RGSL1: variants seen among roughly 807,000 people sequenced by gnomAD.
RGSL1 encodes the protein regulator of G protein signaling protein-like.
In RGSL1, 97 loss-of-function variants were observed where a neutral mutation model predicts 124.7. That is an observed-to-expected ratio of 0.78 (90% confidence interval 0.66 to 0.92). The LOEUF (loss-of-function observed/expected upper bound fraction) is 0.92, where lower values mean the gene tolerates loss of function less well. Among genes scored for constraint, RGSL1 ranks in the 40% least tolerant of loss-of-function variants. The pLI is 0.00. For missense variants in RGSL1, 1,233 were observed against 1,288.4 expected (o/e 0.96, Z 0.66); for synonymous variants, 424 against 438.1 (o/e 0.97, Z 0.40).
chr1:182,531,056 C>A, intron 13 of RGSL1, 146 bp downstream of exon 13: 1 of 954,244 alleles, frequency 1.0e-6, no homozygotes, highest in Non-Finnish European at 1.5e-6. Context: ...TCCCTCTCTT[C>A]TCTACCTGTG....
intron 9 of RGSL1, among the ~76,000 whole-genome samples, chr1:182,508,692 T>TAA (rs1263980576): frequency 5.7e-5 from 8 of 141,102 alleles, no homozygotes; most frequent in Admixed American, 1.4e-4. Flanking sequence ...TTTTTTTTTT[T>TAA]AATTTATTTT....
intron 4 of RGSL1, chr1:182,471,318 T>G (rs1053888775): frequency 2.2e-6 from 1 of 457,408 alleles, no homozygotes; most frequent in Non-Finnish European, 4.4e-6. Context: ...GACCAGTGGC[T>G]ACTCCAGAAA....
At chr1:182,460,530 C>A in intron 4 of RGSL1, 1 of 402,864 alleles carries the variant, frequency 2.5e-6, no homozygotes, top group Non-Finnish European at 4.9e-6. Context: ...TTCATTACTA[C>A]CAACTGGTTT....
intron 10 of RGSL1, among the ~76,000 whole-genome samples, chr1:182,526,985 A>T (rs1658796234): frequency 6.6e-6 from 1 of 152,148 alleles, no homozygotes; most frequent in Admixed American, 6.5e-5. Context: ...ATGAGGTTTG[A>T]CGTGGGCAGT....
chr1:182,486,129 A>G (rs1390847098), intron 6 of RGSL1, among the ~76,000 whole-genome samples: 1 of 152,152 alleles, frequency 6.6e-6, no homozygotes, highest in East Asian at 1.9e-4. Context: ...ATCCTAATAC[A>G]TTCTAACGAA....
At chr1:182,531,877 A>G (rs760424546) in intron 13 of RGSL1, among the ~76,000 whole-genome samples, 3 of 152,212 alleles carry the variant, frequency 2.0e-5, no homozygotes, top group Non-Finnish European at 2.9e-5. Context: ...TATTGTTTCT[A>G]TCTTACACAT....
intron 13 of RGSL1, 132 bp downstream of exon 13, chr1:182,531,042 C>G (rs2102270387): frequency 9.5e-7 from 1 of 1,056,760 alleles, no homozygotes; most frequent in South Asian, 1.6e-5. Context: ...GGAATTTAAG[C>G]AAGTCCCTCT....
chr1:182,550,926 C>T, intron 17 of RGSL1, 174 bp from the exon 18 acceptor site: 2 of 601,614 alleles, frequency 3.3e-6, no homozygotes, highest in South Asian at 2.1e-5. Context: ...AAAGAGGAGG[C>T]CTCAGAACAA....
intron 9 of RGSL1, among the ~76,000 whole-genome samples, chr1:182,503,532 G>T (rs1221614577): frequency 7.2e-6 from 1 of 139,040 alleles, no homozygotes; most frequent in African/African-American, 2.6e-5. Context: ...CAAAACAATT[G>T]AACCCATGGA....
At chr1:182,535,259 A>G (rs1325655614) in intron 14 of RGSL1, among the ~76,000 whole-genome samples, 2 of 152,184 alleles carry the variant, frequency 1.3e-5, no homozygotes, top group Non-Finnish European at 2.9e-5. Flanking sequence ...TTGCCTTTTA[A>G]AATGTACATG....
At chr1:182,454,378 C>CTG (rs1234875021) in intron 2 of RGSL1, among the ~76,000 whole-genome samples, 1 of 152,170 alleles carries the variant, frequency 6.6e-6, no homozygotes, top group African/African-American at 2.4e-5. Context: ...GGCATTCCCC[C>CTG]ACCTCTGAAC....
intron 9 of RGSL1, among the ~76,000 whole-genome samples, chr1:182,511,832 T>C (rs1391159410): frequency 2.0e-5 from 3 of 152,218 alleles, no homozygotes; most frequent in African/African-American, 7.2e-5. Context: ...CTGGATAGTA[T>C]TGTCATTTTA....
chr1:182,533,296 CT>C (rs71573276), intron 14 of RGSL1, among the ~76,000 whole-genome samples: 1,563 of 107,674 alleles, frequency 0.015, 12 homozygotes, highest in South Asian at 0.042. Context: ...TAACTTGCTT[CT>C]TTTTTTTTTT....
intron 20 of RGSL1, 63 bp downstream of exon 20, chr1:182,554,756 G>A (rs893388809): frequency 9.4e-6 from 14 of 1,484,998 alleles, no homozygotes; most frequent in Middle Eastern, 1.8e-4. Context: ...CATGCAATAG[G>A]AGATGGTATA....
intron 9 of RGSL1, among the ~76,000 whole-genome samples, chr1:182,494,255 A>G (rs908706846): frequency 2.0e-5 from 3 of 152,210 alleles, no homozygotes; most frequent in Admixed American, 2.0e-4. Context: ...TTACCCTATC[A>G]GTACAGTGAC....
chr1:182,464,426 A>G (rs1242864385), intron 4 of RGSL1, among the ~76,000 whole-genome samples: 2 of 152,188 alleles, frequency 1.3e-5, no homozygotes, highest in Non-Finnish European at 2.9e-5. Flanking sequence ...AAGTGGATTA[A>G]GAAAAACAGA....
chr1:182,500,715 T>A (rs904012920), intron 9 of RGSL1, among the ~76,000 whole-genome samples: 15 of 152,318 alleles, frequency 9.8e-5, no homozygotes, highest in Admixed American at 9.8e-4. Flanking sequence ...TACATTTTCA[T>A]GATTACATTT....
intron 3 of RGSL1, among the ~76,000 whole-genome samples, chr1:182,458,914 C>T (rs1652575826): frequency 6.6e-6 from 1 of 152,188 alleles, no homozygotes; most frequent in Non-Finnish European, 1.5e-5. Flanking sequence ...ACATTTTTTA[C>T]CTCTTATCCA....
intron 14 of RGSL1, among the ~76,000 whole-genome samples, chr1:182,536,376 G>A (rs1659540922): frequency 6.6e-6 from 1 of 152,182 alleles, no homozygotes; most frequent in South Asian, 2.1e-4. Flanking sequence ...TTGCCAAGCT[G>A]TTTTCCAAAG....
Sources: gnomAD v4.1 joint callset for allele counts (sites outside exome capture counted in the v4.1 genomes callset) on GRCh38, gnomAD v4.1.1 for gene constraint, MANE v1.5 for transcripts, NCBI Gene and HGNC (gene_info 2026-07-23, HGNC 2026-07-21) for gene names.